The following SPATS2L variants were observed in gnomAD, a reference collection of about 807,000 sequenced individuals.
SPATS2L encodes the protein spermatogenesis associated serine rich 2 like, also known as SPATS2-like protein.
A neutral mutation model predicts 59.6 loss-of-function variants in SPATS2L; 30 were observed. The ratio of observed to expected loss-of-function variants is 0.50; its 90% confidence interval spans 0.38 to 0.68. The LOEUF is 0.68. Ranked by LOEUF, SPATS2L falls within the 30% of genes least tolerant of loss-of-function variation. SPATS2L has a pLI of 0.00. For synonymous variants in SPATS2L, 252 were observed against 263.5 expected, an observed-to-expected ratio of 0.96 and a Z score of 0.42; for missense variants, 615 against 700.0, an observed-to-expected ratio of 0.88 and a Z score of 1.37.
At chr2:200,464,995 T>G (rs1264033185) in intron 9 of SPATS2L, among the ~76,000 whole-genome samples, 1 of 152,200 alleles carries the variant, frequency 6.6e-6, no homozygotes, top group African/African-American at 2.4e-5. Context: ...ATATTCCCTT[T>G]AAGTAATAGA....
chr2:200,477,680 T>A lies in SPATS2L; in HGVS notation c.1326T>A (p.His442Gln). 1.3e-6 allele frequency: 2 copies of A among 1,566,024 alleles called. No individual in the cohort carries two copies. Among genetic ancestry groups the A allele is most frequent in the Non-Finnish European group, 1.7e-6 (2 of 1,154,672 alleles). The change falls in exon 13 of 13, where the codon CAT becomes CAA. Residue 442 changes from histidine to glutamine, a missense_variant. By Grantham distance (24) the His-to-Gln change is conservative. Around this residue, in one of 3 missense-constraint regions of SPATS2L, gnomAD observed 284 missense variants for 280.1 expected, o/e 1.01. Transcript: ENST00000409140. ...NQRRRFNPQY[H>Q]NNRLNGPAKS... Reference sequence around the variant, plus strand: ...GACGGAGATTTAATCCACAGTATCATAACAACAGGCTAAATGGGCCTGCCA... The same window carrying A: ...GACGGAGATTTAATCCACAGTATCAAAACAACAGGCTAAATGGGCCTGCCA...
intron 8 of SPATS2L, among the ~76,000 whole-genome samples, chr2:200,457,204 TAAATA>T (rs1012052267): frequency 1.4e-5 from 2 of 140,202 alleles, no homozygotes; most frequent in Non-Finnish European, 3.0e-5. Context: ...AAGAAGGTTG[TAAATA>T]ATGAAAACAT....
intron 8 of SPATS2L, among the ~76,000 whole-genome samples, chr2:200,446,500 C>G (rs902868763): frequency 9.2e-5 from 14 of 152,170 alleles, no homozygotes; most frequent in African/African-American, 3.4e-4. Context: ...GTTGTCACAG[C>G]CACAGGGAGA....
intron 5 of SPATS2L, among the ~76,000 whole-genome samples, chr2:200,416,778 A>G (rs759204833): frequency 2.6e-5 from 4 of 152,186 alleles, no homozygotes; most frequent in Admixed American, 1.3e-4. Context: ...ATTAAGGAGT[A>G]TTTTAAAGAT....
intron 2 of SPATS2L, among the ~76,000 whole-genome samples, chr2:200,376,701 A>T (rs1381495861): frequency 6.6e-6 from 1 of 152,178 alleles, no homozygotes; most frequent in African/African-American, 2.4e-5. Flanking sequence ...GTAGTAATGG[A>T]TTTGCTTCTG....
At chr2:200,367,962 C>T (rs1341557915) in intron 2 of SPATS2L, among the ~76,000 whole-genome samples, 4 of 152,198 alleles carry the variant, frequency 2.6e-5, no homozygotes, top group Non-Finnish European at 5.9e-5. Flanking sequence ...TTCAAAACAG[C>T]GTTATAAGAA....
chr2:200,387,317 C>A (rs565201921), intron 2 of SPATS2L, among the ~76,000 whole-genome samples: 4 of 152,294 alleles, frequency 2.6e-5, no homozygotes, highest in African/African-American at 9.6e-5. Context: ...AGGGTGTTTT[C>A]AATAGATGGG....
intron 3 of SPATS2L, 40 bp downstream of exon 3, chr2:200,389,323 CTAG>C: frequency 1.4e-6 from 2 of 1,444,942 alleles, no homozygotes; most frequent in Non-Finnish European, 1.9e-6. Context: ...AAACTCCAAA[CTAG>C]GTAATGCAGT....
At chr2:200,366,888 T>A (rs369827107) in intron 2 of SPATS2L, among the ~76,000 whole-genome samples, 10 of 152,248 alleles carry the variant, frequency 6.6e-5, no homozygotes, top group Admixed American at 2.0e-4. Context: ...CACATTTAGA[T>A]GCTTTATTAA....
intron 2 of SPATS2L, among the ~76,000 whole-genome samples, chr2:200,347,845 G>A (rs994381154): frequency 6.6e-6 from 1 of 152,174 alleles, no homozygotes; most frequent in African/African-American, 2.4e-5. Flanking sequence ...TATAGTAAAC[G>A]AAGTTGAAGG....
chr2:200,339,225 G>A (rs571944601), intron 2 of SPATS2L, among the ~76,000 whole-genome samples: 96 of 152,234 alleles, frequency 6.3e-4, no homozygotes, highest in Non-Finnish European at 1.2e-3. Flanking sequence ...TCAGCAAGCT[G>A]GAAGTAATTT....
At chr2:200,435,852 A>G (rs2084252050) in intron 6 of SPATS2L, among the ~76,000 whole-genome samples, 1 of 152,230 alleles carries the variant, frequency 6.6e-6, no homozygotes, top group Non-Finnish European at 1.5e-5. Flanking sequence ...ACATTTAAAA[A>G]GTGTAAACAG....
intron 6 of SPATS2L, among the ~76,000 whole-genome samples, chr2:200,428,203 T>G (rs543529535): frequency 6.6e-6 from 1 of 152,374 alleles, no homozygotes; most frequent in Non-Finnish European, 1.5e-5. Flanking sequence ...TGTTACGGCT[T>G]TCAGCCCCAT....
chr2:200,330,566 A>G (rs1017824776), intron 2 of SPATS2L, among the ~76,000 whole-genome samples: 1 of 152,230 alleles, frequency 6.6e-6, no homozygotes, highest in Non-Finnish European at 1.5e-5. Flanking sequence ...GCACAGGCGC[A>G]CACACTGCTT....
intron 6 of SPATS2L, among the ~76,000 whole-genome samples, chr2:200,432,523 A>C (rs1343011751): frequency 6.6e-6 from 1 of 152,216 alleles, no homozygotes; most frequent in East Asian, 1.9e-4. Flanking sequence ...GTTAGAACAA[A>C]AGTCAAAACC....
At chr2:200,425,075 T>G (rs997525435) in intron 6 of SPATS2L, among the ~76,000 whole-genome samples, 1 of 145,572 alleles carries the variant, frequency 6.9e-6, no homozygotes, top group African/African-American at 2.5e-5. Flanking sequence ...TCAAGTGAAC[T>G]GAACCAAATG....
At chr2:200,372,723 T>G (rs1339087031) in intron 2 of SPATS2L, among the ~76,000 whole-genome samples, 4 of 152,144 alleles carry the variant, frequency 2.6e-5, no homozygotes, top group East Asian at 1.9e-4. Context: ...GCTTCGGAGT[T>G]AGTTTGAGAG....
chr2:200,388,766 T>G (rs1239058668), intron 2 of SPATS2L, among the ~76,000 whole-genome samples: 1 of 152,106 alleles, frequency 6.6e-6, no homozygotes, highest in Non-Finnish European at 1.5e-5. Flanking sequence ...TTCTCCTGTT[T>G]TTTTCCATAG....
intron 9 of SPATS2L, among the ~76,000 whole-genome samples, chr2:200,465,303 C>CT (rs779344288): frequency 6.6e-6 from 1 of 152,230 alleles, no homozygotes; most frequent in African/African-American, 2.4e-5. Context: ...AATTCCAGTA[C>CT]TTTAAGAGAT....
Sources: gnomAD v4.1 joint callset for allele counts (sites outside exome capture counted in the v4.1 genomes callset) on GRCh38, gnomAD v4.1.1 for gene constraint, gnomAD v4.1.1 regional missense constraint, MANE v1.5 for transcripts, NCBI Gene and HGNC (gene_info 2026-07-23, HGNC 2026-07-21) for gene names.